The following ADAMTS19 variants were observed in gnomAD, a reference collection of about 807,000 sequenced individuals.
The protein encoded by ADAMTS19 is A disintegrin and metalloproteinase with thrombospondin motifs 19.
In ADAMTS19, 93 loss-of-function variants were observed where a neutral mutation model predicts 153.3. That is an observed-to-expected ratio of 0.61 (90% CI 0.51 to 0.72). The LOEUF (loss-of-function observed/expected upper bound fraction) is 0.72. Among genes scored for constraint, ADAMTS19 ranks in the 30% least tolerant of loss-of-function variants. The probability of loss-of-function intolerance (pLI) is 0.00; values close to 1 mark genes in which losing one functional copy is unlikely to be tolerated. For synonymous variants in ADAMTS19, 600 were observed against 556.6 expected (o/e 1.08, Z -1.10); for missense variants, 1,482 against 1,552.1 (o/e 0.95, Z 0.76).
At chr5:129,693,085 A>G (rs1755406917) in intron 18 of ADAMTS19, among the ~76,000 whole-genome samples, 1 of 152,216 alleles carries the variant, frequency 6.6e-6, no homozygotes, top group South Asian at 2.1e-4. Context: ...TATTTAATTT[A>G]CACATGTATA....
intron 2 of ADAMTS19, among the ~76,000 whole-genome samples, chr5:129,480,833 A>G (rs549731314): frequency 2.0e-5 from 3 of 152,284 alleles, no homozygotes; most frequent in African/African-American, 7.2e-5. Flanking sequence ...GATGGAAGCT[A>G]AACACCAAAA....
intron 10 of ADAMTS19, among the ~76,000 whole-genome samples, chr5:129,623,902 C>T (rs1225826539): frequency 1.3e-5 from 2 of 151,372 alleles, no homozygotes; most frequent in African/African-American, 4.9e-5. Flanking sequence ...GGGCGGATCA[C>T]GAGGTCAGGA....
At chr5:129,669,915 G>T (rs1319397407) in intron 16 of ADAMTS19, among the ~76,000 whole-genome samples, 1 of 151,696 alleles carries the variant, frequency 6.6e-6, no homozygotes, top group Non-Finnish European at 1.5e-5. Flanking sequence ...TCATCCCTTT[G>T]TGGTCAGAGA....
chr5:129,658,654 G>C lies in ADAMTS19; in HGVS notation c.2342G>C (p.Arg781Thr). ...GCDGLLGSLA[R>T]EDHCGVCNGN... ...GATGGTTTATTAGGGTCTCTTGCAA[G>C]AGAAGATCATTGTGGTGTATGCAAT... The change falls in exon 15 of 23, where the codon AGA becomes ACA. Residue 781 changes from arginine (R) to threonine (T), a missense_variant. Transcript: ENST00000274487. 6.2e-7 allele frequency: 1 copy of C among 1,613,398 alleles called. No homozygotes were observed. The highest frequency in any genetic ancestry group is 8.5e-7 in the Non-Finnish European group (1 of 1,179,700).
chr5:129,522,316 T>TATACACACACACACAC (rs1249492013), intron 3 of ADAMTS19, among the ~76,000 whole-genome samples: 13 of 91,936 alleles, frequency 1.4e-4, no homozygotes, highest in African/African-American at 6.1e-4. Flanking sequence ...TATATATATA[T>TATACACACACACACAC]ACACACACAC....
intron 6 of ADAMTS19, among the ~76,000 whole-genome samples, chr5:129,539,194 A>T (rs1752568726): frequency 6.6e-6 from 1 of 152,088 alleles, no homozygotes; most frequent in South Asian, 2.1e-4. Context: ...GGACTTTGCA[A>T]ATGTGATTAA....
intron 21 of ADAMTS19, among the ~76,000 whole-genome samples, chr5:129,727,620 C>T (rs556382909): frequency 6.6e-6 from 1 of 152,210 alleles, no homozygotes; most frequent in South Asian, 2.1e-4. Context: ...TCCAGCACTT[C>T]TTGCCTGTAA....
intron 10 of ADAMTS19, among the ~76,000 whole-genome samples, chr5:129,634,569 GGA>G (rs1752448014): frequency 1.3e-5 from 2 of 151,934 alleles, no homozygotes; most frequent in South Asian, 4.2e-4. Flanking sequence ...CATGATACTG[GGA>G]CAAAACAGAC....
At chr5:129,646,478 A>G (rs1173049243) in intron 11 of ADAMTS19, among the ~76,000 whole-genome samples, 1 of 152,204 alleles carries the variant, frequency 6.6e-6, no homozygotes, top group African/African-American at 2.4e-5. Flanking sequence ...AAAACATATT[A>G]TCAAGTAAAT....
At chr5:129,509,382 T>C (rs564559080) in intron 3 of ADAMTS19, 140 bp downstream of exon 3, 3 of 815,966 alleles carry the variant, frequency 3.7e-6, no homozygotes, top group African/African-American at 1.7e-5. Flanking sequence ...AATGTATCAA[T>C]TATAGGATTA....
In ADAMTS19 at chr5:129,636,955, T is replaced by C. The variant is rs73232362; in HGVS notation, c.1771-4904T>C. 7.8e-3 allele frequency among the ~76,000 whole-genome samples: 1,181 copies of C among 152,318 alleles called. 14 individuals are homozygous for C. Among genetic ancestry groups the C allele is most frequent in the African/African-American group, 0.027 (1,132 of 41,572 alleles). On this transcript the variant is annotated intron_variant, in intron 10 of 22. Coordinates refer to ENST00000274487, the MANE Select transcript of ADAMTS19 (RefSeq NM_133638.6). Reference sequence around the variant, plus strand: ...AGGTAAACACTCAGTGTTTGTTTCATTGAAAGGGCCTGTTTTTAACCTTCA... The same window carrying C: ...AGGTAAACACTCAGTGTTTGTTTCACTGAAAGGGCCTGTTTTTAACCTTCA...
At chr5:129,488,349 T>C (rs887328635) in intron 2 of ADAMTS19, among the ~76,000 whole-genome samples, 1 of 152,118 alleles carries the variant, frequency 6.6e-6, no homozygotes, top group Non-Finnish European at 1.5e-5. Context: ...GTCTTATTGT[T>C]ACCTTTTTCT....
chr5:129,512,667 G>A (rs1011826678), intron 3 of ADAMTS19, among the ~76,000 whole-genome samples: 4 of 151,948 alleles, frequency 2.6e-5, no homozygotes, highest in African/African-American at 9.7e-5. Context: ...TGACAGATTG[G>A]GGCCAACACA....
At chr5:129,468,867 C>A (rs752067061) in intron 2 of ADAMTS19, among the ~76,000 whole-genome samples, 3 of 151,882 alleles carry the variant, frequency 2.0e-5, no homozygotes, top group African/African-American at 4.8e-5. Context: ...ACCTCCGTCT[C>A]CTGGGTTCCT....
intron 8 of ADAMTS19, among the ~76,000 whole-genome samples, chr5:129,613,890 AGAGAATAC>A (rs1297949973): frequency 6.6e-6 from 1 of 152,194 alleles, no homozygotes; most frequent in Non-Finnish European, 1.5e-5. Flanking sequence ...AACTACCATC[AGAGAATAC>A]TATAAACACC....
At chr5:129,639,012 T>C (rs1390554789) in intron 10 of ADAMTS19, among the ~76,000 whole-genome samples, 1 of 152,216 alleles carries the variant, frequency 6.6e-6, no homozygotes, top group Non-Finnish European at 1.5e-5. Flanking sequence ...CTTTTTACTA[T>C]AGAAGCATAA....
At chr5:129,518,084 T>G (rs1263844287) in intron 3 of ADAMTS19, among the ~76,000 whole-genome samples, 1 of 152,112 alleles carries the variant, frequency 6.6e-6, no homozygotes, top group Non-Finnish European at 1.5e-5. Flanking sequence ...ACAAAAACTC[T>G]CTGCCTTAAC....
chr5:129,566,296 G>C (rs1753705237), intron 7 of ADAMTS19, among the ~76,000 whole-genome samples: 1 of 152,078 alleles, frequency 6.6e-6, no homozygotes, highest in Non-Finnish European at 1.5e-5. Flanking sequence ...AATTCCCTAG[G>C]TAGTTTTCTT....
At chr5:129,637,673 T>C (rs991214480) in intron 10 of ADAMTS19, among the ~76,000 whole-genome samples, 2 of 152,058 alleles carry the variant, frequency 1.3e-5, no homozygotes, top group Admixed American at 6.6e-5. Context: ...GGCAAAACCC[T>C]GTCTCTACTA....
Sources: allele counts gnomAD v4.1 joint callset (sites outside exome capture counted in the v4.1 genomes callset), GRCh38; gene constraint gnomAD v4.1.1; transcripts MANE v1.5; gene names NCBI Gene and HGNC (gene_info 2026-07-23, HGNC 2026-07-21).